Variants in KIAA1671 observed in about 807,000 individuals in gnomAD.
The protein encoded by KIAA1671 is uncharacterized protein KIAA1671.
Under a neutral mutation model 131.2 loss-of-function variants are expected in KIAA1671, and 52 were observed. The observed-to-expected ratio is 0.40, with a 90% CI of 0.32 to 0.50. The LOEUF is 0.50. Among genes scored for constraint, KIAA1671 ranks in the 20% least tolerant of loss-of-function variants. The probability of loss-of-function intolerance (pLI) is 0.73; values close to 1 mark genes in which losing one functional copy is unlikely to be tolerated. For synonymous variants in KIAA1671, 1,003 were observed against 961.6 expected (o/e 1.04, Z -0.80); for missense variants, 2,360 against 2,364.2 (o/e 1.00, Z 0.04).
intron 6 of KIAA1671, among the ~76,000 whole-genome samples, chr22:25,085,775 AAGGGAGGAAGGGAGGGAGGGAGGG>A (rs941130449): frequency 4.6e-5 from 4 of 86,716 alleles, no homozygotes; most frequent in African/African-American, 3.3e-4. Flanking sequence ...TGAAGGAAGG[AAGGGAGGAAGGGAGGGAGGGAGGG>A]AGGGAGGGAG....
chr22:25,029,375 C>G lies in KIAA1671; in HGVS notation c.1376C>G (p.Pro459Arg), dbSNP rs1404492600. Residue 459 changes from proline (P) to arginine (R), a missense_variant, in exon 3 of 13, where the codon CCC becomes CGC. Pro to Arg is a moderately radical substitution (Grantham distance 103, BLOSUM62 -2). Coordinates refer to ENST00000358431, the MANE Select transcript of KIAA1671 (RefSeq NM_001145206.2). ...GCCTTGGCAGTGGGGTCTGAATCTC[C>G]CCTGGCCACCCCTGCGTCCCCATCG... ...TLALAVGSES[P>R]LATPASPSAA... 9 of 1,551,324 alleles carry G rather than the reference C, an allele frequency of 5.8e-6. No individual in the cohort carries two copies. In the South Asian group the frequency reaches 1.1e-4, roughly 18 times the overall value.
At chr22:25,035,262 G>A (rs1268778614) in intron 4 of KIAA1671, among the ~76,000 whole-genome samples, 2 of 152,012 alleles carry the variant, frequency 1.3e-5, no homozygotes, top group African/African-American at 4.8e-5. Context: ...GGCCAGGCCA[G>A]TCTTGAACTC....
At chr22:25,115,817 C>A (rs373514257) in intron 6 of KIAA1671, among the ~76,000 whole-genome samples, 1 of 152,204 alleles carries the variant, frequency 6.6e-6, no homozygotes, top group African/African-American at 2.4e-5. Flanking sequence ...CACTTTGTCA[C>A]CCAGGCTGGA....
At chr22:25,150,519 G>A (rs1048210033) in intron 6 of KIAA1671, among the ~76,000 whole-genome samples, 4 of 152,118 alleles carry the variant, frequency 2.6e-5, no homozygotes, top group Non-Finnish European at 5.9e-5. Context: ...GCACTCTTTC[G>A]GGCTGCCCCT....
At chr22:25,141,225 T>G (rs901259885) in intron 6 of KIAA1671, among the ~76,000 whole-genome samples, 1 of 152,048 alleles carries the variant, frequency 6.6e-6, no homozygotes, top group African/African-American at 2.4e-5. Context: ...ATTGCATGTT[T>G]TTGTTTTTGT....
intron 1 of KIAA1671, among the ~76,000 whole-genome samples, chr22:24,953,740 C>T (rs566422159): frequency 1.3e-5 from 2 of 152,234 alleles, no homozygotes; most frequent in East Asian, 1.9e-4. Flanking sequence ...GCTGTTTGTC[C>T]AGTCCCGGAG....
intron 6 of KIAA1671, among the ~76,000 whole-genome samples, chr22:25,077,595 G>A (rs1929183915): frequency 6.6e-6 from 1 of 152,228 alleles, no homozygotes; most frequent in African/African-American, 2.4e-5. Context: ...CCCGTGGGGC[G>A]TGACACCCCA....
intron 1 of KIAA1671, among the ~76,000 whole-genome samples, chr22:24,975,030 G>A (rs1922843135): frequency 6.6e-6 from 1 of 152,044 alleles, no homozygotes; most frequent in South Asian, 2.1e-4. Context: ...ACAGTTCAGT[G>A]GTTTTTAGTA....
At chr22:25,144,023 CT>C (rs1015203473) in intron 6 of KIAA1671, among the ~76,000 whole-genome samples, 1 of 151,758 alleles carries the variant, frequency 6.6e-6, no homozygotes, top group Non-Finnish European at 1.5e-5. Context: ...AAAAAATGAA[CT>C]AAAAAAAATG....
At chr22:25,008,331 C>T (rs909480435) in intron 1 of KIAA1671, among the ~76,000 whole-genome samples, 1 of 152,114 alleles carries the variant, frequency 6.6e-6, no homozygotes, top group African/African-American at 2.4e-5. Context: ...GTCTGCCCTG[C>T]CTCAGCTCAC....
rs1934430238 is a variant in KIAA1671 at position 25,185,134 on chromosome 22, G to A, written c.5342+15G>A. On this transcript the variant is annotated intron_variant, in intron 11 of 12. Coordinates refer to ENST00000358431, the MANE Select transcript of KIAA1671 (RefSeq NM_001145206.2). Reference sequence around the variant, plus strand: ...AAGGATGAGAGGTGAGGGGTCTTGGGGAATGGGGGTCCCTCTCCTTCCAAA... The same window carrying A: ...AAGGATGAGAGGTGAGGGGTCTTGGAGAATGGGGGTCCCTCTCCTTCCAAA... 13 of 1,534,850 alleles carry A rather than the reference G, an allele frequency of 8.5e-6. No homozygotes were observed. The South Asian group carries it at 1.3e-4, about 16-fold the overall frequency.
At chr22:25,065,647 ATTTTTT>A (rs796321980) in intron 6 of KIAA1671, among the ~76,000 whole-genome samples, 3 of 148,342 alleles carry the variant, frequency 2.0e-5, no homozygotes, top group Non-Finnish European at 4.5e-5. Context: ...TATTATTATT[ATTTTTT>A]TTTTTTTGAG....
intron 6 of KIAA1671, among the ~76,000 whole-genome samples, chr22:25,126,843 TTGC>T (rs2145937424): frequency 6.6e-6 from 1 of 152,298 alleles, no homozygotes; most frequent in Non-Finnish European, 1.5e-5. Flanking sequence ...CTCCTATCAT[TTGC>T]AAAAAGCCCT....
intron 6 of KIAA1671, among the ~76,000 whole-genome samples, chr22:25,126,248 C>G (rs1200053666): frequency 6.6e-6 from 1 of 152,216 alleles, no homozygotes; most frequent in Non-Finnish European, 1.5e-5. Flanking sequence ...CCCACCATCA[C>G]CAGCCTGATT....
intron 6 of KIAA1671, among the ~76,000 whole-genome samples, chr22:25,129,305 G>A (rs576388108): frequency 1.6e-4 from 25 of 152,206 alleles, no homozygotes; most frequent in African/African-American, 5.3e-4. Flanking sequence ...TCAAGAGTTC[G>A]AGACCAGCCT....
At chr22:25,116,384 TATG>T (rs1450193728) in intron 6 of KIAA1671, among the ~76,000 whole-genome samples, 2 of 51,794 alleles carry the variant, frequency 3.9e-5, no homozygotes, top group African/African-American at 1.2e-4. Flanking sequence ...CCTCCACCAG[TATG>T]TATGTATGTA....
At chr22:25,135,369 G>A (rs1289431306) in intron 6 of KIAA1671, among the ~76,000 whole-genome samples, 1 of 152,138 alleles carries the variant, frequency 6.6e-6, no homozygotes, top group Non-Finnish European at 1.5e-5. Context: ...GTATTTTTTA[G>A]TAGAGACGGG....
At chr22:25,151,846 C>T (rs1933056568) in intron 6 of KIAA1671, among the ~76,000 whole-genome samples, 2 of 151,970 alleles carry the variant, frequency 1.3e-5, no homozygotes, top group Non-Finnish European at 2.9e-5. Flanking sequence ...TCAAGCAGTT[C>T]TGGTGCTTCA....
intron 1 of KIAA1671, among the ~76,000 whole-genome samples, chr22:24,965,121 GA>G (rs1922226434): frequency 6.7e-6 from 1 of 149,056 alleles, no homozygotes; most frequent in Non-Finnish European, 1.5e-5. Context: ...AAAAAAAAGG[GA>G]GACCTCGGCT....
Sources: gnomAD v4.1 joint callset for allele counts (sites outside exome capture counted in the v4.1 genomes callset) on GRCh38, gnomAD v4.1.1 for gene constraint, MANE v1.5 for transcripts, NCBI Gene and HGNC (gene_info 2026-07-23, HGNC 2026-07-21) for gene names.